Variants in NTF3 observed in about 807,000 individuals in gnomAD.
NTF3 encodes neurotrophin-3.
Under a neutral mutation model 26.3 loss-of-function variants are expected in NTF3, and 8 were observed. That is an observed-to-expected ratio of 0.30 (90% CI 0.18 to 0.55). NTF3 has a LOEUF of 0.55. Ranked by LOEUF, NTF3 falls within the 20% of genes least tolerant of loss-of-function variation. The pLI is 0.93. For synonymous variants in NTF3, 154 were observed against 145.5 expected (o/e 1.06, Z -0.42); for missense variants, 276 against 352.9 (o/e 0.78, Z 1.75).
In NTF3 at chr12:5,485,906, G is replaced by A. The variant is rs573265001; in HGVS notation, c.19-8288G>A. ...TTCTTCTGCCTCAGTTCCCTAGTCT[G>A]TAAAAGTACTCAAGAGCATGATGGC... is the stretch of plus-strand genomic sequence containing the variant. On this transcript the variant is annotated intron_variant, in intron 1 of 1. Coordinates refer to ENST00000423158, the MANE Select transcript of NTF3 (RefSeq NM_001102654.2). Among the ~76,000 whole-genome samples the A allele has an allele frequency of 5.3e-5, 8 of 152,338 alleles. 1 individual carries two copies. The highest frequency in any genetic ancestry group is 1.9e-4 in the African/African-American group (8 of 41,578).
intron 1 of NTF3, among the ~76,000 whole-genome samples, chr12:5,445,671 T>C (rs779882296): frequency 3.9e-5 from 6 of 152,208 alleles, no homozygotes; most frequent in Non-Finnish European, 8.8e-5. Context: ...TAAATTTGAA[T>C]GTCTAGGGTT....
intron 1 of NTF3, among the ~76,000 whole-genome samples, chr12:5,481,447 AG>A (rs1555072857): frequency 2.0e-5 from 3 of 150,814 alleles, no homozygotes; most frequent in Non-Finnish European, 3.0e-5. Flanking sequence ...ACATACATGC[AG>A]CACAGACACA....
chr12:5,481,145 T>C (rs1940787260), intron 1 of NTF3, among the ~76,000 whole-genome samples: 1 of 152,124 alleles, frequency 6.6e-6, no homozygotes, highest in Non-Finnish European at 1.5e-5. Flanking sequence ...ACTAGCAGGC[T>C]GCTAGCGCCG....
chr12:5,444,864 G>A (rs766837188), intron 1 of NTF3, among the ~76,000 whole-genome samples: 1 of 152,224 alleles, frequency 6.6e-6, no homozygotes, highest in Admixed American at 6.5e-5. Context: ...CAGAGGGAAC[G>A]CAGCAAGCCT....
At chr12:5,443,913 GAA>G (rs1940271535) in intron 1 of NTF3, among the ~76,000 whole-genome samples, 1 of 152,188 alleles carries the variant, frequency 6.6e-6, no homozygotes, top group Non-Finnish European at 1.5e-5. Context: ...GTACAAGAGA[GAA>G]AGATATTTTA....
At chr12:5,437,485 G>A (rs568131605) in intron 1 of NTF3, among the ~76,000 whole-genome samples, 15 of 152,234 alleles carry the variant, frequency 9.9e-5, no homozygotes, top group South Asian at 4.1e-4. Context: ...CGGAGCAGGC[G>A]GCTTCTGCTA....
chr12:5,439,059 C>A (rs989478923), intron 1 of NTF3, among the ~76,000 whole-genome samples: 2 of 152,212 alleles, frequency 1.3e-5, no homozygotes, highest in Non-Finnish European at 2.9e-5. Context: ...TTGGCTTAGC[C>A]TACACAGGGT....
Position 5,481,041 on chromosome 12 carries a change from G to T in NTF3, c.19-13153G>T, listed in dbSNP as rs930360753. On this transcript the variant is annotated intron_variant, in intron 1 of 1. Coordinates refer to ENST00000423158, the MANE Select transcript of NTF3 (RefSeq NM_001102654.2). ...CGTGCACCTCACTGGGGGTGTGGGTGGCGGGGTAGGGAGGACCCGCAGAGC... is the reference window on the plus strand; with the variant it reads ...CGTGCACCTCACTGGGGGTGTGGGTTGCGGGGTAGGGAGGACCCGCAGAGC... 1.7e-4 allele frequency among the ~76,000 whole-genome samples: 26 copies of T among 152,196 alleles called. No individual in the cohort carries two copies. In the East Asian group the frequency reaches 2.9e-3, roughly 17 times the overall value.
intron 1 of NTF3, among the ~76,000 whole-genome samples, chr12:5,479,253 T>C (rs1355637437): frequency 6.6e-6 from 1 of 152,242 alleles, no homozygotes; most frequent in Admixed American, 6.5e-5. Flanking sequence ...GAGAAGTGGA[T>C]GCAGAACTTG....
intron 1 of NTF3, among the ~76,000 whole-genome samples, chr12:5,492,785 G>A (rs1464368437): frequency 2.0e-5 from 3 of 152,212 alleles, no homozygotes; most frequent in Non-Finnish European, 4.4e-5. Flanking sequence ...GACAAGCTGG[G>A]AAAGAGGCTG....
At position 5,449,834 on chromosome 12, in the gene NTF3, A is replaced by G. The variant is rs555189115; in HGVS notation, c.18+17492A>G. Among the ~76,000 whole-genome samples, 15 of 152,332 alleles carry G rather than the reference A, an allele frequency of 9.8e-5. No individual in the cohort carries two copies. In the South Asian group the frequency reaches 2.9e-3, roughly 29 times the overall value. On this transcript the variant is annotated intron_variant, in intron 1 of 1. Coordinates refer to ENST00000423158, the MANE Select transcript of NTF3 (RefSeq NM_001102654.2). ...TTCTCGCACATGCATTTGCTGGCTC[A>G]TGTACATACGAATATACACATATCC... is the stretch of plus-strand genomic sequence containing the variant.
intron 1 of NTF3, among the ~76,000 whole-genome samples, chr12:5,492,623 C>T (rs772632259): frequency 7.2e-5 from 11 of 152,180 alleles, no homozygotes; most frequent in Non-Finnish European, 1.5e-4. Context: ...GAATCCCTCT[C>T]TTGGCTTTGA....
At chr12:5,436,240 T>A (rs1940166898) in intron 1 of NTF3, among the ~76,000 whole-genome samples, 1 of 152,208 alleles carries the variant, frequency 6.6e-6, no homozygotes, top group Non-Finnish European at 1.5e-5. Context: ...GAGGACTTTA[T>A]TTGACTCATG....
chr12:5,441,035 G>A (rs1399427497), intron 1 of NTF3, among the ~76,000 whole-genome samples: 4 of 152,188 alleles, frequency 2.6e-5, no homozygotes, highest in Non-Finnish European at 5.9e-5. Context: ...GGGAGTATGC[G>A]AGAGGTTTAT....
At chr12:5,442,476 T>C (rs11063678) in intron 1 of NTF3, among the ~76,000 whole-genome samples, 16,891 of 152,154 alleles carry the variant, frequency 0.11, 1,037 homozygotes, top group African/African-American at 0.16. Context: ...GAAGTATCCC[T>C]GCTCGTGGCA....
chr12:5,470,615 C>T (rs1940653121), intron 1 of NTF3, among the ~76,000 whole-genome samples: 1 of 152,334 alleles, frequency 6.6e-6, no homozygotes, highest in East Asian at 1.9e-4. Context: ...GGGCCATGCC[C>T]TCCTCTTCAT....
chr12:5,494,954 T>A lies in NTF3; in HGVS notation c.779T>A (p.Val260Glu). ...TGGATACGGATAGACACGTCCTGTG[T>A]GTGTGCCTTGTCGAGAAAAATCGGA... ...WRWIRIDTSC[V>E]CALSRKIGRT Residue 260 changes from valine to glutamate, a missense_variant, in exon 2 of 2, where the codon GTG becomes GAG. Physicochemically the swap from Val to Glu is moderately radical, Grantham distance 121. Transcript: ENST00000423158. The surrounding 1 kb of genome is among the most constrained non-coding windows in gnomAD (Gnocchi z 8.3). 1 of 1,614,118 alleles carries A rather than the reference T, an allele frequency of 6.2e-7. No homozygotes were observed. The highest frequency in any genetic ancestry group is 2.2e-5 in the East Asian group (1 of 44,886).
intron 1 of NTF3, among the ~76,000 whole-genome samples, chr12:5,446,079 G>GTCA (rs1397637080): frequency 5.3e-5 from 8 of 152,246 alleles, no homozygotes; most frequent in African/African-American, 1.4e-4. Flanking sequence ...ATTTATATGT[G>GTCA]TCATCGTAGT....
intron 1 of NTF3, among the ~76,000 whole-genome samples, chr12:5,436,649 G>A (rs902198137): frequency 1.2e-4 from 19 of 152,132 alleles, no homozygotes; most frequent in Admixed American, 9.2e-4. Context: ...ACGTATGTAG[G>A]TCATTGTGAA....
Sources: allele counts gnomAD v4.1 joint callset (sites outside exome capture counted in the v4.1 genomes callset), GRCh38; gene constraint gnomAD v4.1.1; non-coding constraint Gnocchi (gnomAD v3.1); transcripts MANE v1.5; gene names NCBI Gene and HGNC (gene_info 2026-07-23, HGNC 2026-07-21).